Variants in CDH13 observed in about 807,000 individuals in gnomAD.
CDH13 encodes cadherin 13, also known as cadherin-13.
In CDH13, 24 loss-of-function variants were observed where a neutral mutation model predicts 63.8. The ratio of observed to expected loss-of-function variants is 0.38; its 90% CI spans 0.27 to 0.53. CDH13 has a LOEUF of 0.53. Among genes scored for constraint, CDH13 ranks in the 20% least tolerant of loss-of-function variants. The pLI is 0.85. For missense variants in CDH13, 1,049 were observed against 903.1 expected, an observed-to-expected ratio of 1.16 and a Z score of -2.07; for synonymous variants, 503 against 355.3, an observed-to-expected ratio of 1.42 and a Z score of -4.67.
intron 8 of CDH13, among the ~76,000 whole-genome samples, chr16:83,667,337 C>T (rs1366925196): frequency 2.0e-5 from 3 of 152,154 alleles, no homozygotes; most frequent in African/African-American, 7.2e-5. Flanking sequence ...ATGGAAGAAG[C>T]TGCACAGGTT....
At chr16:83,363,491 A>C (rs1024379817) in intron 6 of CDH13, among the ~76,000 whole-genome samples, 1 of 152,214 alleles carries the variant, frequency 6.6e-6, no homozygotes, top group Non-Finnish European at 1.5e-5. Context: ...CCACTAAATG[A>C]AGAAGAAACC....
At chr16:83,560,049 C>A (rs745347220) in intron 7 of CDH13, among the ~76,000 whole-genome samples, 2 of 152,130 alleles carry the variant, frequency 1.3e-5, no homozygotes, top group Non-Finnish European at 2.9e-5. Flanking sequence ...CAACTTCCTG[C>A]AACACCCCAG....
rs570002574 is a variant in CDH13 at position 82,797,079 on chromosome 16, C to T, written c.46-61283C>T. 1.1e-4 allele frequency among the ~76,000 whole-genome samples: 16 copies of T among 152,316 alleles called. No homozygotes were observed. In the East Asian group the frequency reaches 2.9e-3, roughly 28 times the overall value. ...TTGTCATGAGTTATTCCTCATCATT[C>T]TAAAATTTGACCTCAAAGCTGAGCA... is the stretch of plus-strand genomic sequence containing the variant. On this transcript the variant is annotated intron_variant, in intron 1 of 13. Coordinates refer to ENST00000567109, the MANE Select transcript of CDH13 (RefSeq NM_001257.5).
At chr16:82,844,034 G>A (rs1203914338) in intron 1 of CDH13, among the ~76,000 whole-genome samples, 1 of 152,228 alleles carries the variant, frequency 6.6e-6, no homozygotes. Flanking sequence ...CTCATGGGCT[G>A]TGGTAGGCTG....
intron 11 of CDH13, among the ~76,000 whole-genome samples, chr16:83,766,165 G>C (rs1229227141): frequency 1.3e-5 from 2 of 152,126 alleles, no homozygotes; most frequent in Non-Finnish European, 2.9e-5. Context: ...CTGAGTCCCA[G>C]CTCTGCAGAC....
At chr16:83,244,551 C>A (rs950757635) in intron 5 of CDH13, among the ~76,000 whole-genome samples, 1 of 152,180 alleles carries the variant, frequency 6.6e-6, no homozygotes, top group Admixed American at 6.5e-5. Flanking sequence ...AACACTAGTT[C>A]TTGCAAACTG....
intron 7 of CDH13, among the ~76,000 whole-genome samples, chr16:83,559,017 G>A (rs1239457449): frequency 6.6e-6 from 1 of 152,116 alleles, no homozygotes; most frequent in Admixed American, 6.5e-5. Flanking sequence ...AATTAGTCAT[G>A]CTGGAGCCCT....
chr16:83,058,074 C>G lies in CDH13; in HGVS notation c.366+25856C>G, dbSNP rs534819688. The stretch of plus-strand genomic sequence containing the variant: ...ATATTTACTTCTAAAACTATGAAAT[C>G]TTCACTATATTCTTAAAAATATAAA... On this transcript the variant is annotated intron_variant, in intron 3 of 13. Coordinates refer to ENST00000567109, the MANE Select transcript of CDH13 (RefSeq NM_001257.5). Among the ~76,000 whole-genome samples, 4 of 152,296 alleles carry G rather than the reference C, an allele frequency of 2.6e-5. No homozygotes were observed. The South Asian group carries it at 8.3e-4, about 32-fold the overall frequency.
chr16:83,135,834 C>G (rs2036257572), intron 4 of CDH13, among the ~76,000 whole-genome samples: 3 of 152,184 alleles, frequency 2.0e-5, no homozygotes, highest in Non-Finnish European at 4.4e-5. Context: ...TGGAATACTA[C>G]TCAGCCATCC....
intron 1 of CDH13, among the ~76,000 whole-genome samples, chr16:82,796,199 A>G (rs1043076005): frequency 2.0e-5 from 3 of 152,044 alleles, no homozygotes; most frequent in African/African-American, 7.2e-5. Context: ...AGCTGGGTGA[A>G]CTCAATTGAC....
chr16:83,430,706 A>G (rs1266646766), intron 6 of CDH13, among the ~76,000 whole-genome samples: 1 of 152,186 alleles, frequency 6.6e-6, no homozygotes, highest in Non-Finnish European at 1.5e-5. Flanking sequence ...AGGATCTGAA[A>G]TTATTCCTAT....
intron 7 of CDH13, among the ~76,000 whole-genome samples, chr16:83,493,073 A>T (rs2151573592): frequency 6.6e-6 from 1 of 152,224 alleles, no homozygotes; most frequent in East Asian, 1.9e-4. Flanking sequence ...CTAAACCTCG[A>T]TTTCTTCATC....
At chr16:83,659,373 T>C (rs1055916761) in intron 8 of CDH13, among the ~76,000 whole-genome samples, 18 of 148,888 alleles carry the variant, frequency 1.2e-4, no homozygotes, top group Non-Finnish European at 2.1e-4. Context: ...TCCCATGTCC[T>C]CACCACCAGG....
chr16:83,413,850 G>C (rs1220683306), intron 6 of CDH13, among the ~76,000 whole-genome samples: 2 of 152,022 alleles, frequency 1.3e-5, no homozygotes, highest in Admixed American at 6.6e-5. Flanking sequence ...AATTTGCTAG[G>C]TGTGGTGGGC....
chr16:83,514,561 C>G (rs1024786989), intron 7 of CDH13, among the ~76,000 whole-genome samples: 2 of 152,154 alleles, frequency 1.3e-5, no homozygotes, highest in Non-Finnish European at 1.5e-5. Context: ...ATGGGAATTG[C>G]TTGAACCTGG....
At chr16:83,234,967 C>G (rs1051385525) in intron 5 of CDH13, among the ~76,000 whole-genome samples, 29 of 152,270 alleles carry the variant, frequency 1.9e-4, no homozygotes, top group African/African-American at 6.0e-4. Flanking sequence ...GAGGCCTAAG[C>G]CAGAGGATTG....
chr16:83,187,051 A>T (rs984615659), intron 4 of CDH13, among the ~76,000 whole-genome samples: 1 of 152,142 alleles, frequency 6.6e-6, no homozygotes, highest in Non-Finnish European at 1.5e-5. Context: ...GCTCACTGCA[A>T]CCTGCACCTC....
chr16:83,044,704 T>C (rs1917619952), intron 3 of CDH13, among the ~76,000 whole-genome samples: 1 of 152,224 alleles, frequency 6.6e-6, no homozygotes, highest in South Asian at 2.1e-4. Context: ...TGTTTTTCGT[T>C]TTCTGAGTGA....
chr16:83,565,953 A>G (rs1904277082), intron 7 of CDH13, among the ~76,000 whole-genome samples: 1 of 152,090 alleles, frequency 6.6e-6, no homozygotes, highest in Non-Finnish European at 1.5e-5. Flanking sequence ...TTCAGCACCC[A>G]CCTCTCATGC....
Sources: allele counts gnomAD v4.1 joint callset (sites outside exome capture counted in the v4.1 genomes callset), GRCh38; gene constraint gnomAD v4.1.1; transcripts MANE v1.5; gene names NCBI Gene and HGNC (gene_info 2026-07-23, HGNC 2026-07-21).